Variants in GRM5 observed in about 807,000 individuals in gnomAD.
GRM5 encodes the protein metabotropic glutamate receptor 5.
A neutral mutation model predicts 83.1 loss-of-function variants in GRM5; 19 were observed. The observed-to-expected ratio is 0.23, with a 90% confidence interval of 0.16 to 0.34. GRM5 has a LOEUF of 0.34. Among genes scored for constraint, GRM5 ranks in the 10% least tolerant of loss-of-function variants. The pLI is 1.00. For synonymous variants in GRM5, 675 were observed against 633.6 expected (o/e 1.07, Z -0.98); for missense variants, 1,160 against 1,588.3 (o/e 0.73, Z 4.58).
chr11:88,690,486 T>TA (rs1333438015), intron 3 of GRM5, among the ~76,000 whole-genome samples: 101 of 151,986 alleles, frequency 6.6e-4, no homozygotes, highest in African/African-American at 2.3e-3. Context: ...GCTTTATTTT[T>TA]TAAAAAAAAA....
chr11:88,623,136 A>G (rs1938687120), intron 4 of GRM5, among the ~76,000 whole-genome samples: 1 of 152,094 alleles, frequency 6.6e-6, no homozygotes, highest in Non-Finnish European at 1.5e-5. Context: ...CCCAGTATGG[A>G]GTGCAATGGC....
chr11:88,981,829 C>G (rs1284029853), intron 2 of GRM5, among the ~76,000 whole-genome samples: 1 of 152,128 alleles, frequency 6.6e-6, no homozygotes, highest in Non-Finnish European at 1.5e-5. Flanking sequence ...ATATCACAGA[C>G]AGCTATAAGG....
intron 2 of GRM5, among the ~76,000 whole-genome samples, chr11:88,896,716 C>T (rs1467877054): frequency 6.6e-6 from 1 of 151,790 alleles, no homozygotes; most frequent in Non-Finnish European, 1.5e-5. Flanking sequence ...TCCTCCCTTC[C>T]TATCTTTTGT....
chr11:88,980,234 C>G (rs971292683), intron 2 of GRM5, among the ~76,000 whole-genome samples: 4 of 152,100 alleles, frequency 2.6e-5, no homozygotes, highest in African/African-American at 9.7e-5. Flanking sequence ...ATTACCTACT[C>G]AATTAAAATG....
chr11:88,884,716 C>T (rs1256622355), intron 2 of GRM5, among the ~76,000 whole-genome samples: 1 of 152,136 alleles, frequency 6.6e-6, no homozygotes, highest in Non-Finnish European at 1.5e-5. Context: ...CTTCCCTATG[C>T]TATTCTTGCG....
chr11:89,021,062 A>G (rs1348880262), intron 2 of GRM5, among the ~76,000 whole-genome samples: 1 of 152,174 alleles, frequency 6.6e-6, no homozygotes, highest in African/African-American at 2.4e-5. Flanking sequence ...TCCAGGTCAT[A>G]GTTATCTTTA....
chr11:88,904,375 T>C (rs1442744888), intron 2 of GRM5, among the ~76,000 whole-genome samples: 2 of 152,218 alleles, frequency 1.3e-5, no homozygotes, highest in Admixed American at 1.3e-4. Flanking sequence ...CATGCCATCA[T>C]ATTTTTTCAA....
intron 2 of GRM5, among the ~76,000 whole-genome samples, chr11:88,987,829 G>C (rs1334358879): frequency 6.6e-6 from 1 of 151,588 alleles, no homozygotes; most frequent in African/African-American, 2.4e-5. Context: ...CTAACAAACA[G>C]AAAGGACATG....
Position 88,901,985 on chromosome 11 carries a change from G to T in GRM5, c.662-51830C>A, listed in dbSNP as rs185643230. On this transcript the variant is annotated intron_variant, in intron 2 of 9. Coordinates refer to ENST00000305447, the MANE Select transcript of GRM5 (RefSeq NM_001143831.3). ...ATACAAGTAGTTCCCATTTCAGGGC[G>T]TGGTTGCCATCCTTTTCTACATTTC... Among the ~76,000 whole-genome samples, 491 of 152,138 alleles carry T rather than the reference G, an allele frequency of 3.2e-3. 3 individuals are homozygous for T. The highest frequency in any genetic ancestry group is 0.011 in the African/African-American group (447 of 41,494).
At chr11:89,018,890 C>T (rs948717848) in intron 2 of GRM5, among the ~76,000 whole-genome samples, 4 of 152,106 alleles carry the variant, frequency 2.6e-5, no homozygotes, top group African/African-American at 9.7e-5. Context: ...CCACATTTTC[C>T]TGCTAACATC....
At chr11:88,815,461 T>A (rs553534899) in intron 3 of GRM5, among the ~76,000 whole-genome samples, 1 of 151,842 alleles carries the variant, frequency 6.6e-6, no homozygotes, top group African/African-American at 2.4e-5. Context: ...AAGAAGGTTC[T>A]TAATTGAGTT....
intron 3 of GRM5, among the ~76,000 whole-genome samples, chr11:88,771,655 G>T (rs972273241): frequency 6.6e-6 from 1 of 152,020 alleles, no homozygotes; most frequent in African/African-American, 2.4e-5. Context: ...AATCTCCTCT[G>T]GCAACACCCT....
rs565259409 is a variant in GRM5, at chr11:89,031,470, G to A, written c.661+15742C>T. Among the ~76,000 whole-genome samples, 18 of 151,738 alleles carry A rather than the reference G, an allele frequency of 1.2e-4. No homozygotes were observed. The South Asian group carries it at 3.5e-3, about 30-fold the overall frequency. Reference sequence around the variant, plus strand: ...TGTGAAAAATAAAAAAGACTCTGAGGGCTCCCAAACTGGCAATGTTGTGGA... The same window carrying A: ...TGTGAAAAATAAAAAAGACTCTGAGAGCTCCCAAACTGGCAATGTTGTGGA... On this transcript the variant is annotated intron_variant, in intron 2 of 9. Transcript: ENST00000305447.
At chr11:88,777,887 C>T (rs1942890038) in intron 3 of GRM5, among the ~76,000 whole-genome samples, 1 of 152,156 alleles carries the variant, frequency 6.6e-6, no homozygotes, top group South Asian at 2.1e-4. Context: ...TTGGAGATAT[C>T]TCCCAGTTAG....
chr11:88,677,441 G>A (rs1940362141), intron 3 of GRM5, among the ~76,000 whole-genome samples: 1 of 152,036 alleles, frequency 6.6e-6, no homozygotes. Flanking sequence ...GGGAATTGTG[G>A]GACACAGATA....
chr11:88,967,328 C>T (rs1040188831), intron 2 of GRM5, among the ~76,000 whole-genome samples: 17 of 150,386 alleles, frequency 1.1e-4, no homozygotes, highest in Admixed American at 8.0e-4. Context: ...CAAAATGATG[C>T]CCCTACCACT....
intron 4 of GRM5, among the ~76,000 whole-genome samples, chr11:88,625,125 C>T (rs768574663): frequency 6.6e-6 from 1 of 152,134 alleles, no homozygotes; most frequent in African/African-American, 2.4e-5. Flanking sequence ...TCCTCAGCCT[C>T]AGATGCACAT....
At chr11:88,561,165 A>G (rs1179637323) in intron 8 of GRM5, among the ~76,000 whole-genome samples, 1 of 152,178 alleles carries the variant, frequency 6.6e-6, no homozygotes, top group East Asian at 1.9e-4. Context: ...ATTGGAGTAT[A>G]TTGGAATTCA....
intron 2 of GRM5, among the ~76,000 whole-genome samples, chr11:88,861,893 A>C (rs1046837157): frequency 1.2e-4 from 19 of 152,176 alleles, no homozygotes; most frequent in African/African-American, 3.9e-4. Flanking sequence ...TTACTCCATA[A>C]AAGACTGTGA....
Sources: gnomAD v4.1 joint callset for allele counts (sites outside exome capture counted in the v4.1 genomes callset) on GRCh38, gnomAD v4.1.1 for gene constraint, MANE v1.5 for transcripts, NCBI Gene and HGNC (gene_info 2026-07-23, HGNC 2026-07-21) for gene names.